Variants in SNX3 observed in about 807,000 individuals in gnomAD.
SNX3 encodes the protein sorting nexin-3.
SNX3 carries 5 observed loss-of-function variants against 17.7 expected under a neutral mutation model. That is an observed-to-expected ratio of 0.28 (90% CI 0.15 to 0.59). The LOEUF (loss-of-function observed/expected upper bound fraction) is 0.59. SNX3 is among the 20% of genes least tolerant of loss of function. The pLI is 0.88. For synonymous variants in SNX3, 91 were observed against 76.5 expected, an observed-to-expected ratio of 1.19 and a Z score of -0.99; for missense variants, 132 against 206.8, an observed-to-expected ratio of 0.64 and a Z score of 2.22.
intron 1 of SNX3, among the ~76,000 whole-genome samples, chr6:108,237,741 A>T (rs1775393630): frequency 6.6e-6 from 1 of 151,566 alleles, no homozygotes; most frequent in Non-Finnish European, 1.5e-5. Flanking sequence ...GTGAGCTGAG[A>T]TCGTGGCACT....
At position 108,260,930 on chromosome 6, in the gene SNX3, A is replaced by G. The variant is rs772818252; in HGVS notation, c.-9T>C. ...GCCACGGTCTCCGCCATTTCGCTGT[A>G]GCTGCTGCCGCCGCCGCGGGCTCCC... On this transcript the variant is annotated 5_prime_UTR_variant, in exon 1 of 4. Transcript: ENST00000230085. 14 of 1,565,018 alleles carry G rather than the reference A, an allele frequency of 8.9e-6. No homozygotes were observed. Among genetic ancestry groups the G allele is most frequent in the Non-Finnish European group, 1.2e-5 (14 of 1,156,630 alleles).
chr6:108,238,348 T>TA (rs955234654), intron 1 of SNX3, among the ~76,000 whole-genome samples: 2 of 152,122 alleles, frequency 1.3e-5, no homozygotes, highest in African/African-American at 4.8e-5. Context: ...AGAGAGTACA[T>TA]AATCTTTGGA....
chr6:108,247,755 G>A (rs1171410211), intron 1 of SNX3, among the ~76,000 whole-genome samples: 3 of 151,896 alleles, frequency 2.0e-5, no homozygotes, highest in Non-Finnish European at 2.9e-5. Flanking sequence ...CTATATCAGA[G>A]AAAACACAGA....
intron 1 of SNX3, among the ~76,000 whole-genome samples, chr6:108,248,947 T>C (rs148637274): frequency 1.3e-5 from 2 of 152,114 alleles, no homozygotes; most frequent in African/African-American, 4.8e-5. Flanking sequence ...GAGACAGAGT[T>C]TGTAGAAAGG....
At chr6:108,254,647 A>C (rs1016095209) in intron 1 of SNX3, among the ~76,000 whole-genome samples, 3 of 152,196 alleles carry the variant, frequency 2.0e-5, no homozygotes. Context: ...CTGTCCTCTA[A>C]GAGCTTATAA....
At chr6:108,231,005 C>G (rs217136) in intron 1 of SNX3, among the ~76,000 whole-genome samples, 40,853 of 151,696 alleles carry the variant, frequency 0.27, 7,861 homozygotes, top group African/African-American at 0.53. Flanking sequence ...AGAAGACAGG[C>G]AAAAAAAGAG....
At chr6:108,236,364 A>ATATTATTATTAT (rs1232917759) in intron 1 of SNX3, among the ~76,000 whole-genome samples, 11 of 127,194 alleles carry the variant, frequency 8.6e-5, no homozygotes, top group African/African-American at 1.6e-4. Context: ...GTTTCCACCT[A>ATATTATTATTAT]TATTATTATT....
chr6:108,234,153 T>C (rs1161226283), intron 1 of SNX3, among the ~76,000 whole-genome samples: 1 of 151,962 alleles, frequency 6.6e-6, no homozygotes, highest in East Asian at 1.9e-4. Flanking sequence ...ACAGCCGCAA[T>C]TTATCACACA....
intron 1 of SNX3, among the ~76,000 whole-genome samples, chr6:108,250,385 T>C (rs1256262007): frequency 6.6e-6 from 1 of 152,154 alleles, no homozygotes; most frequent in Admixed American, 6.5e-5. Context: ...TTAGATAATA[T>C]GGGAAGAAAT....
chr6:108,228,837 C>T (rs1355662044), intron 1 of SNX3, among the ~76,000 whole-genome samples: 1 of 151,762 alleles, frequency 6.6e-6, no homozygotes, highest in African/African-American at 2.4e-5. Context: ...TTGTAATAGA[C>T]ACAAAAAAAA....
At chr6:108,232,654 G>A (rs1483531319) in intron 1 of SNX3, among the ~76,000 whole-genome samples, 1 of 152,086 alleles carries the variant, frequency 6.6e-6, no homozygotes, top group African/African-American at 2.4e-5. Context: ...AAAGAGACTG[G>A]CAACAACATC....
In SNX3 at chr6:108,225,214, G is replaced by A. The variant is rs111694835; in HGVS notation, c.163-2169C>T. 2.1e-3 allele frequency among the ~76,000 whole-genome samples: 324 copies of A among 152,186 alleles called. 4 individuals are homozygous for A. The highest frequency in any genetic ancestry group is 7.2e-3 in the African/African-American group (297 of 41,510). ...GGAGAATGGCGTGAACTCAGGAGGC[G>A]GAGTTTGCAGTGAGCCGAGATCGCG... On this transcript the variant is annotated intron_variant, in intron 1 of 3. Coordinates refer to ENST00000230085, the MANE Select transcript of SNX3 (RefSeq NM_003795.6).
At chr6:108,250,771 G>T (rs565188338) in intron 1 of SNX3, among the ~76,000 whole-genome samples, 1 of 152,174 alleles carries the variant, frequency 6.6e-6, no homozygotes, top group Non-Finnish European at 1.5e-5. Flanking sequence ...ACAAGCTATA[G>T]GTGGCAGGTG....
At position 108,212,307 on chromosome 6, in the gene SNX3, T is replaced by G. The variant is rs1047602324; in HGVS notation, c.384-53A>C. ...CAATATTTTATACAAGGTGGGGGAG[T>G]TCAAAACACATATTTTAAAGTTGAG... On this transcript the variant is annotated intron_variant, in intron 3 of 3. Transcript: ENST00000230085. 16 of 1,209,826 alleles carry G rather than the reference T, an allele frequency of 1.3e-5. No individual in the cohort carries two copies. The South Asian group carries it at 2.2e-4, about 16-fold the overall frequency. 74.9% of individuals were successfully genotyped at this position (1,209,826 alleles called of 1,614,324 possible).
intron 1 of SNX3, among the ~76,000 whole-genome samples, chr6:108,236,074 A>T (rs1775320383): frequency 6.6e-6 from 1 of 152,178 alleles, no homozygotes; most frequent in Non-Finnish European, 1.5e-5. Flanking sequence ...AATCTGATAA[A>T]ATCAGCTAAA....
At chr6:108,251,573 T>C (rs866412361) in intron 1 of SNX3, among the ~76,000 whole-genome samples, 1 of 152,190 alleles carries the variant, frequency 6.6e-6, no homozygotes, top group African/African-American at 2.4e-5. Context: ...TAGAAGCTGA[T>C]AGTCAAGCCA....
At chr6:108,260,532 T>G (rs1482989552) in intron 1 of SNX3, among the ~76,000 whole-genome samples, 7 of 152,154 alleles carry the variant, frequency 4.6e-5, no homozygotes, top group Non-Finnish European at 1.0e-4. Context: ...ACCCACGCCC[T>G]CCTCTTCGAG....
intron 1 of SNX3, among the ~76,000 whole-genome samples, chr6:108,236,894 G>A (rs945762915): frequency 2.6e-5 from 4 of 152,036 alleles, no homozygotes; most frequent in East Asian, 3.9e-4. Flanking sequence ...CTATACACAC[G>A]CATATGCTTT....
chr6:108,239,698 T>G (rs1775459789), intron 1 of SNX3, among the ~76,000 whole-genome samples: 1 of 152,212 alleles, frequency 6.6e-6, no homozygotes, highest in African/African-American at 2.4e-5. Context: ...GAGAGGATTC[T>G]TACACACGTT....
Sources: allele counts gnomAD v4.1 joint callset (sites outside exome capture counted in the v4.1 genomes callset), GRCh38; gene constraint gnomAD v4.1.1; transcripts MANE v1.5; gene names NCBI Gene and HGNC (gene_info 2026-07-23, HGNC 2026-07-21).